TSPAN9: variants seen among roughly 807,000 people sequenced by gnomAD.
The protein encoded by TSPAN9 is tetraspanin 9, also known as tetraspanin-9.
TSPAN9 carries 16 observed loss-of-function variants against 31.0 expected under a neutral mutation model. The ratio of observed to expected loss-of-function variants is 0.52; its 90% CI spans 0.35 to 0.78. The LOEUF (loss-of-function observed/expected upper bound fraction) is 0.78. Ranked by LOEUF, TSPAN9 falls within the 30% of genes least tolerant of loss-of-function variation. The pLI, the probability that TSPAN9 is intolerant of heterozygous loss-of-function variation, is 0.01. For missense variants in TSPAN9, 272 were observed against 312.5 expected (o/e 0.87, Z 0.98); for synonymous variants, 145 against 121.6 (o/e 1.19, Z -1.27).
rs568682655 is a variant in TSPAN9, at chr12:3,108,372, A to G, written c.-18+24653A>G. Among the ~76,000 whole-genome samples the G allele has an allele frequency of 8.5e-5, 13 of 152,332 alleles. No individual in the cohort carries two copies. In the South Asian group the frequency reaches 2.5e-3, roughly 29 times the overall value. On this transcript the variant is annotated intron_variant, in intron 2 of 8. Coordinates refer to ENST00000011898, the MANE Select transcript of TSPAN9 (RefSeq NM_006675.5). ...TCCAGCCCCCCGTCCTGTGCAAAGC[A>G]TTGCTTAATTTTCTTTTAAATTCCA...
chr12:3,208,139 G>A (rs919273152), intron 3 of TSPAN9, among the ~76,000 whole-genome samples: 2 of 152,226 alleles, frequency 1.3e-5, no homozygotes, highest in African/African-American at 4.8e-5. Context: ...TCGCTCCTGC[G>A]GTGAGAGCGT....
At chr12:3,160,243 C>G (rs915138189) in intron 2 of TSPAN9, among the ~76,000 whole-genome samples, 1 of 152,186 alleles carries the variant, frequency 6.6e-6, no homozygotes, top group African/African-American at 2.4e-5. Context: ...ATAAGGTTTT[C>G]AGGGTTCATC....
In TSPAN9 at chr12:3,281,243, C is replaced by T. The variant is rs1591724128; in HGVS notation, c.478C>T (p.Leu160=). 6.4e-7 allele frequency: 1 copy of T among 1,551,398 alleles called. No individual in the cohort carries two copies. Residue 160 remains leucine, a synonymous_variant, in exon 7 of 9, where the codon CTG becomes TTG. Coordinates refer to ENST00000011898, the MANE Select transcript of TSPAN9 (RefSeq NM_006675.5). ...VTDYTDWYPV[L]GENTVPDRCC... The stretch of plus-strand genomic sequence containing the variant: ...TGACTACACAGACTGGTACCCAGTG[C>T]TGGGGGAGAACACGGTTCCCGACCG...
chr12:3,145,733 A>T (rs1393297967), intron 2 of TSPAN9, among the ~76,000 whole-genome samples: 15 of 152,232 alleles, frequency 9.9e-5, no homozygotes, highest in Non-Finnish European at 8.8e-5. Context: ...CGTGGCTGGC[A>T]TCCGCCAAGG....
intron 2 of TSPAN9, among the ~76,000 whole-genome samples, chr12:3,159,936 G>A (rs2098344147): frequency 6.6e-6 from 1 of 152,146 alleles, no homozygotes; most frequent in Admixed American, 6.5e-5. Flanking sequence ...GGCAGTCCTA[G>A]CAAACTGATA....
intron 3 of TSPAN9, among the ~76,000 whole-genome samples, chr12:3,240,153 A>C (rs1257627380): frequency 6.6e-6 from 1 of 151,806 alleles, no homozygotes; most frequent in Non-Finnish European, 1.5e-5. Context: ...TATTTCCTCT[A>C]CTTTCACCCC....
chr12:3,125,614 T>C (rs1289297016), intron 2 of TSPAN9, among the ~76,000 whole-genome samples: 1 of 152,208 alleles, frequency 6.6e-6, no homozygotes, highest in East Asian at 1.9e-4. Context: ...TTTCTTCTCA[T>C]GGAATTTAAT....
At chr12:3,132,349 G>A (rs28601814) in intron 2 of TSPAN9, among the ~76,000 whole-genome samples, 6,706 of 152,200 alleles carry the variant, frequency 0.044, 481 homozygotes, top group African/African-American at 0.15. Context: ...CAGCCAAACT[G>A]TTTTCCACAG....
chr12:3,278,967 C>T (rs1211112717), intron 4 of TSPAN9, 25 bp from the exon 5 acceptor site: 1 of 1,612,718 alleles, frequency 6.2e-7, no homozygotes, highest in Non-Finnish European at 8.5e-7. Context: ...TACCACCTAC[C>T]CATGCCTGGC....
At chr12:3,179,322 A>G (rs1292010008) in intron 2 of TSPAN9, among the ~76,000 whole-genome samples, 1 of 152,168 alleles carries the variant, frequency 6.6e-6, no homozygotes, top group Non-Finnish European at 1.5e-5. Flanking sequence ...CAACCGGCCC[A>G]GGGTGGTAGC....
At position 3,221,354 on chromosome 12, in the gene TSPAN9, T is replaced by A. The variant is rs1245751844; in HGVS notation, c.63+20098T>A. ...ATAAGTTATTTTTTATTTAAAATAT[T>A]TTTCTCTTTTTTTTTTTTTTTTAGA... On this transcript the variant is annotated intron_variant, in intron 3 of 8. Transcript: ENST00000011898. 5.8e-4 allele frequency among the ~76,000 whole-genome samples: 75 copies of A among 129,706 alleles called. 1 individual carries two copies. The East Asian group carries it at 6.3e-3, about 11-fold the overall frequency. 85.1% of individuals were successfully genotyped at this position (129,706 alleles called of 152,430 possible). A position where few individuals can be genotyped will look rare whatever the true frequency, so the allele number is the denominator to read the frequency against.
At chr12:3,167,328 C>T (rs2098349026) in intron 2 of TSPAN9, among the ~76,000 whole-genome samples, 1 of 152,148 alleles carries the variant, frequency 6.6e-6, no homozygotes, top group African/African-American at 2.4e-5. Context: ...GTTTTTAGCT[C>T]TTCCATTAAG....
chr12:3,197,180 C>T (rs935905062), intron 2 of TSPAN9, among the ~76,000 whole-genome samples: 2 of 152,250 alleles, frequency 1.3e-5, no homozygotes, highest in East Asian at 1.9e-4. Flanking sequence ...CTTGATCACA[C>T]AGCTAAAAAG....
rs61051968 is a variant in TSPAN9 at position 3,283,486 on chromosome 12, C to T, written c.*370C>T. ...GGGGTGGGGAGCAGAGTGCCCGCCC[C>T]GTGGAGATACCGCCCCAGCGGGGGC... On this transcript the variant is annotated 3_prime_UTR_variant, in exon 9 of 9. Coordinates refer to ENST00000011898, the MANE Select transcript of TSPAN9 (RefSeq NM_006675.5). The T allele has an allele frequency of 0.025, 4,593 of 184,040 alleles. 182 individuals carry two copies. Among genetic ancestry groups the T allele is most frequent in the East Asian group, 0.1 (681 of 6,716 alleles). 11.4% of individuals were successfully genotyped at this position (184,040 alleles called of 1,614,324 possible). A position where few individuals can be genotyped will look rare whatever the true frequency, so the allele number is the denominator to read the frequency against.
intron 2 of TSPAN9, among the ~76,000 whole-genome samples, chr12:3,144,796 G>A (rs2098336414): frequency 6.6e-6 from 1 of 152,248 alleles, no homozygotes; most frequent in Non-Finnish European, 1.5e-5. Context: ...ACAGAGGCTA[G>A]TGCTAGCATG....
At chr12:3,244,257 C>T (rs1335084946) in intron 3 of TSPAN9, among the ~76,000 whole-genome samples, 1 of 152,190 alleles carries the variant, frequency 6.6e-6, no homozygotes, top group African/African-American at 2.4e-5. Context: ...GCCCTGGTCC[C>T]AGTAGGTAAG....
rs930511477 is a variant in TSPAN9, at chr12:3,168,797, A to G, written c.-17-32380A>G. ...CCTCTCTTTTCTGTGTCTCCACCAT[A>G]AAGTACTCGTTGAGTAAATGAATGA... On this transcript the variant is annotated intron_variant, in intron 2 of 8. Coordinates refer to ENST00000011898, the MANE Select transcript of TSPAN9 (RefSeq NM_006675.5). The surrounding 1 kb of genome is among the most constrained non-coding windows in gnomAD (Gnocchi z 4.0). 6.6e-6 allele frequency among the ~76,000 whole-genome samples: 1 copy of G among 152,144 alleles called. No homozygotes were observed. The highest frequency in any genetic ancestry group is 2.1e-4 in the South Asian group (1 of 4,822).
At chr12:3,277,378 G>T (rs937685248) in intron 3 of TSPAN9, among the ~76,000 whole-genome samples, 1 of 152,164 alleles carries the variant, frequency 6.6e-6, no homozygotes, top group Non-Finnish European at 1.5e-5. Flanking sequence ...TCCTCTGAGC[G>T]CCCGTAGCGT....
At chr12:3,205,145 C>G (rs967138533) in intron 3 of TSPAN9, among the ~76,000 whole-genome samples, 9 of 152,120 alleles carry the variant, frequency 5.9e-5, no homozygotes, top group Non-Finnish European at 1.2e-4. Context: ...GGGCTGCTGG[C>G]GTAATTGCTA....
Sources: allele counts gnomAD v4.1 joint callset (sites outside exome capture counted in the v4.1 genomes callset), GRCh38; gene constraint gnomAD v4.1.1; non-coding constraint Gnocchi (gnomAD v3.1); transcripts MANE v1.5; gene names NCBI Gene and HGNC (gene_info 2026-07-23, HGNC 2026-07-21).